Variants in STAG1 observed in about 807,000 individuals in gnomAD.
STAG1 encodes the protein STAG1 cohesin complex component.
STAG1 carries 26 observed loss-of-function variants against 170.9 expected under a neutral mutation model. The ratio of observed to expected loss-of-function variants is 0.15; its 90% CI spans 0.11 to 0.21. The LOEUF (loss-of-function observed/expected upper bound fraction) is 0.21. Ranked by LOEUF, STAG1 falls within the 10% of genes least tolerant of loss-of-function variation. The pLI is 1.00. For missense variants in STAG1, 964 were observed against 1,509.5 expected (o/e 0.64, Z 5.99); for synonymous variants, 514 against 497.7 (o/e 1.03, Z -0.44).
chr3:136,506,134 T>G (rs1933748703), intron 7 of STAG1, among the ~76,000 whole-genome samples: 1 of 152,164 alleles, frequency 6.6e-6, no homozygotes, highest in Non-Finnish European at 1.5e-5. Flanking sequence ...GATTTTAAAC[T>G]GATGTGTGAC....
rs1172760519 is a variant in STAG1 at position 136,604,867 on chromosome 3, C to A, written c.133-394G>T. Among the ~76,000 whole-genome samples, 3 of 152,138 alleles carry A rather than the reference C, an allele frequency of 2.0e-5. No individual in the cohort carries two copies. The East Asian group carries it at 5.8e-4, about 29-fold the overall frequency. The stretch of plus-strand genomic sequence containing the variant: ...GTTTCACCATGTTGGCCAGGCTGGT[C>A]TCGTACTCCTGACCTCAAATGATTC... On this transcript the variant is annotated intron_variant, in intron 3 of 33. Transcript: ENST00000383202.
chr3:136,742,423 AAAC>A (rs1337044255), intron 1 of STAG1, among the ~76,000 whole-genome samples: 1 of 140,214 alleles, frequency 7.1e-6, no homozygotes, highest in African/African-American at 2.5e-5. Context: ...ATTGAAAATT[AAAC>A]AACAAGGCTG....
intron 16 of STAG1, among the ~76,000 whole-genome samples, chr3:136,426,940 G>T (rs1398211924): frequency 6.6e-6 from 1 of 151,978 alleles, no homozygotes; most frequent in Non-Finnish European, 1.5e-5. Context: ...GGCGCCTGTA[G>T]TCACAGTTAC....
intron 29 of STAG1, among the ~76,000 whole-genome samples, chr3:136,347,973 C>G (rs557498204): frequency 3.9e-5 from 6 of 152,290 alleles, no homozygotes; most frequent in Admixed American, 2.6e-4. Context: ...AGAATTTGTA[C>G]TCCTCATCAA....
intron 3 of STAG1, among the ~76,000 whole-genome samples, chr3:136,615,783 A>G (rs1186709390): frequency 1.3e-5 from 2 of 151,848 alleles, no homozygotes; most frequent in Non-Finnish European, 2.9e-5. Flanking sequence ...AAATCAAAAA[A>G]AAAAAGAAAA....
intron 22 of STAG1, among the ~76,000 whole-genome samples, chr3:136,397,275 T>G (rs562952110): frequency 2.6e-5 from 4 of 152,354 alleles, no homozygotes; most frequent in Admixed American, 2.6e-4. Context: ...TGTCTGATTC[T>G]CTTCATGGTT....
At chr3:136,435,039 A>G (rs1348727557) in intron 15 of STAG1, among the ~76,000 whole-genome samples, 2 of 152,168 alleles carry the variant, frequency 1.3e-5, no homozygotes, top group Non-Finnish European at 2.9e-5. Context: ...ATCTATTTGT[A>G]TATTTCTATG....
intron 21 of STAG1, among the ~76,000 whole-genome samples, chr3:136,408,487 T>A (rs1196931132): frequency 6.6e-6 from 1 of 151,314 alleles, no homozygotes; most frequent in Non-Finnish European, 1.5e-5. Context: ...GTTACTGTGT[T>A]TTTTTTTTGC....
At chr3:136,595,892 A>G (rs1383106988) in intron 4 of STAG1, among the ~76,000 whole-genome samples, 2 of 152,126 alleles carry the variant, frequency 1.3e-5, no homozygotes, top group Non-Finnish European at 2.9e-5. Context: ...AATACCATCA[A>G]TTTTACAAAA....
At chr3:136,522,605 A>G (rs1284775871) in intron 6 of STAG1, among the ~76,000 whole-genome samples, 2 of 152,056 alleles carry the variant, frequency 1.3e-5, no homozygotes, top group African/African-American at 2.4e-5. Context: ...GTTCTAGGGT[A>G]CATGTGCACA....
At chr3:136,533,586 G>A (rs543787112) in intron 6 of STAG1, among the ~76,000 whole-genome samples, 1 of 152,096 alleles carries the variant, frequency 6.6e-6, no homozygotes, top group East Asian at 1.9e-4. Flanking sequence ...AAGGAGCAAG[G>A]GGGCAGGGAT....
intron 32 of STAG1, among the ~76,000 whole-genome samples, chr3:136,339,121 A>G (rs1480831327): frequency 6.6e-6 from 1 of 152,164 alleles, no homozygotes; most frequent in Non-Finnish European, 1.5e-5. Context: ...AGAAGAGGAG[A>G]GACACATATA....
chr3:136,704,818 T>G (rs1402320774), intron 1 of STAG1, among the ~76,000 whole-genome samples: 2 of 91,360 alleles, frequency 2.2e-5, no homozygotes, highest in East Asian at 5.2e-4. Flanking sequence ...TGAGTCCCTG[T>G]CTCAAAAAAA....
intron 4 of STAG1, 32 bp downstream of exon 4, chr3:136,604,276 GC>G (rs769728668): frequency 6.3e-7 from 1 of 1,591,750 alleles, no homozygotes; most frequent in African/African-American, 1.3e-5. Flanking sequence ...TAACTGTATT[GC>G]TTTATACGTG....
At chr3:136,359,627 T>A (rs1276041569) in intron 26 of STAG1, among the ~76,000 whole-genome samples, 1 of 152,150 alleles carries the variant, frequency 6.6e-6, no homozygotes, top group Admixed American at 6.6e-5. Context: ...CCTCCCGGGT[T>A]AAAGGAATTC....
chr3:136,462,050 T>C (rs1347124985), intron 13 of STAG1, among the ~76,000 whole-genome samples: 1 of 152,038 alleles, frequency 6.6e-6, no homozygotes, highest in African/African-American at 2.4e-5. Context: ...AAAAATAACA[T>C]GCTGGCCAGG....
At chr3:136,611,530 C>T (rs1279158388) in intron 3 of STAG1, among the ~76,000 whole-genome samples, 4 of 151,710 alleles carry the variant, frequency 2.6e-5, no homozygotes, top group African/African-American at 9.7e-5. Context: ...CAGTCTTACT[C>T]TGTCACCCAG....
intron 15 of STAG1, among the ~76,000 whole-genome samples, chr3:136,434,928 T>C (rs1009015616): frequency 3.9e-5 from 6 of 152,238 alleles, no homozygotes; most frequent in African/African-American, 1.4e-4. Context: ...TCCCACCAAA[T>C]AGCCAGTTGT....
chr3:136,427,905 T>C (rs1286797176), intron 16 of STAG1, among the ~76,000 whole-genome samples: 1 of 152,064 alleles, frequency 6.6e-6, no homozygotes, highest in African/African-American at 2.4e-5. Flanking sequence ...CAGCAAAGGA[T>C]AGTTTGATAA....
Sources: allele counts gnomAD v4.1 joint callset (sites outside exome capture counted in the v4.1 genomes callset), GRCh38; gene constraint gnomAD v4.1.1; transcripts MANE v1.5; gene names NCBI Gene and HGNC (gene_info 2026-07-23, HGNC 2026-07-21).